Variants in MAGI3 observed in about 807,000 individuals in gnomAD.
MAGI3 encodes membrane associated guanylate kinase, WW and PDZ domain containing 3, also known as membrane-associated guanylate kinase, WW and PDZ domain-containing protein 3.
A neutral mutation model predicts 121.8 loss-of-function variants in MAGI3; 43 were observed. The observed-to-expected ratio is 0.35, with a 90% CI of 0.28 to 0.46. The LOEUF (loss-of-function observed/expected upper bound fraction) is 0.46, where lower values mean the gene tolerates loss of function less well. Ranked by LOEUF, MAGI3 falls within the 20% of genes least tolerant of loss-of-function variation. The probability of loss-of-function intolerance (pLI) is 1.00; values close to 1 mark genes in which losing one functional copy is unlikely to be tolerated. For synonymous variants in MAGI3, 553 were observed against 639.3 expected, an observed-to-expected ratio of 0.86 and a Z score of 2.04; for missense variants, 1,547 against 1,797.3, an observed-to-expected ratio of 0.86 and a Z score of 2.52.
At chr1:113,491,516 T>A (rs1021446681) in intron 1 of MAGI3, among the ~76,000 whole-genome samples, 2 of 151,892 alleles carry the variant, frequency 1.3e-5, no homozygotes, top group Non-Finnish European at 1.5e-5. Context: ...AAACAAGAAA[T>A]AACCAAAATT....
chr1:113,418,356 T>C (rs1474503073), intron 1 of MAGI3, among the ~76,000 whole-genome samples: 1 of 152,172 alleles, frequency 6.6e-6, no homozygotes, highest in African/African-American at 2.4e-5. Context: ...CAGTGTCTAA[T>C]TTGGTTGCTT....
chr1:113,476,919 CATATGT>C (rs1320566498), intron 1 of MAGI3, among the ~76,000 whole-genome samples: 1 of 152,190 alleles, frequency 6.6e-6, no homozygotes. Context: ...GGATTGGGTG[CATATGT>C]ATTTAGGATA....
At chr1:113,408,998 T>A (rs1651829802) in intron 1 of MAGI3, among the ~76,000 whole-genome samples, 2 of 152,064 alleles carry the variant, frequency 1.3e-5, no homozygotes, top group South Asian at 2.1e-4. Context: ...CAGACTGTAG[T>A]GATAAAATTG....
At chr1:113,496,436 T>C (rs1043655767) in intron 1 of MAGI3, among the ~76,000 whole-genome samples, 1 of 152,332 alleles carries the variant, frequency 6.6e-6, no homozygotes, top group East Asian at 1.9e-4. Flanking sequence ...AAATCCTATA[T>C]GTGTTTGTTA....
chr1:113,612,656 A>G (rs1481158158), intron 6 of MAGI3, among the ~76,000 whole-genome samples: 3 of 152,100 alleles, frequency 2.0e-5, no homozygotes, highest in African/African-American at 7.2e-5. Context: ...TGCTAATGGT[A>G]TCAGTGGTAA....
intron 16 of MAGI3, among the ~76,000 whole-genome samples, chr1:113,662,641 T>C (rs1653840724): frequency 6.6e-6 from 1 of 152,234 alleles, no homozygotes; most frequent in South Asian, 2.1e-4. Context: ...CCATTCTCAT[T>C]TCTCTCACTG....
chr1:113,520,576 A>G (rs571053705), intron 1 of MAGI3, among the ~76,000 whole-genome samples: 3 of 151,980 alleles, frequency 2.0e-5, no homozygotes, highest in African/African-American at 7.2e-5. Flanking sequence ...TTTAAAAAAA[A>G]TTTTAGTCTC....
At chr1:113,515,187 G>A (rs774006838) in intron 1 of MAGI3, among the ~76,000 whole-genome samples, 1 of 151,870 alleles carries the variant, frequency 6.6e-6, no homozygotes. Context: ...TTGATCTCAC[G>A]GCAGCAAACT....
chr1:113,420,702 G>A (rs1023867742), intron 1 of MAGI3, among the ~76,000 whole-genome samples: 4 of 152,160 alleles, frequency 2.6e-5, no homozygotes, highest in Non-Finnish European at 5.9e-5. Context: ...GGAACATAGC[G>A]TCCGTTCATC....
intron 2 of MAGI3, among the ~76,000 whole-genome samples, chr1:113,567,163 T>G (rs79470224): frequency 0.14 from 21,919 of 151,760 alleles, 1,674 homozygotes; most frequent in East Asian, 0.18. Flanking sequence ...AAAAGTTAGA[T>G]GCCCACAAAT....
intron 9 of MAGI3, among the ~76,000 whole-genome samples, chr1:113,638,966 G>A (rs796868955): frequency 2.1e-4 from 32 of 152,178 alleles, no homozygotes; most frequent in Non-Finnish European, 4.3e-4. Context: ...CCTCACTGCC[G>A]CCTTGCAGTT....
rs546982807 is a variant in MAGI3 at position 113,446,656 on chromosome 1, A to G, written c.316+55307A>G. 9.2e-5 allele frequency among the ~76,000 whole-genome samples: 14 copies of G among 152,356 alleles called. No homozygotes were observed. The South Asian group carries it at 2.9e-3, about 32-fold the overall frequency. ...GGAGGCTCACTTTAGATCCAGAGACACAAATAGATTGAAAGTGAAAGGATT... is the reference window on the plus strand; with the variant it reads ...GGAGGCTCACTTTAGATCCAGAGACGCAAATAGATTGAAAGTGAAAGGATT... On this transcript the variant is annotated intron_variant, in intron 1 of 20. Coordinates refer to ENST00000307546, the MANE Select transcript of MAGI3 (RefSeq NM_001142782.2).
intron 2 of MAGI3, among the ~76,000 whole-genome samples, chr1:113,577,827 C>G (rs894968502): frequency 4.6e-5 from 7 of 152,092 alleles, no homozygotes. Flanking sequence ...AATCACAGAC[C>G]AAAACAGAGT....
chr1:113,448,777 C>G (rs1258197041), intron 1 of MAGI3, among the ~76,000 whole-genome samples: 1 of 152,110 alleles, frequency 6.6e-6, no homozygotes, highest in Non-Finnish European at 1.5e-5. Context: ...AGCCACCATA[C>G]CCGGCCCTCG....
intron 1 of MAGI3, among the ~76,000 whole-genome samples, chr1:113,549,060 A>G (rs1319903185): frequency 6.6e-6 from 1 of 152,208 alleles, no homozygotes; most frequent in East Asian, 1.9e-4. Flanking sequence ...TGGAATTAAA[A>G]GTTCTGTTTT....
At chr1:113,410,826 G>A (rs1651936862) in intron 1 of MAGI3, among the ~76,000 whole-genome samples, 1 of 152,114 alleles carries the variant, frequency 6.6e-6, no homozygotes, top group Non-Finnish European at 1.5e-5. Flanking sequence ...CAGTGAGGAT[G>A]CCTAGTAGCT....
At chr1:113,562,188 G>A (rs1297725437) in intron 2 of MAGI3, among the ~76,000 whole-genome samples, 1 of 152,134 alleles carries the variant, frequency 6.6e-6, no homozygotes, top group South Asian at 2.1e-4. Flanking sequence ...GGCAGATCAC[G>A]AGGTCAGGAG....
chr1:113,620,751 C>A (rs1650769044), intron 8 of MAGI3, among the ~76,000 whole-genome samples: 1 of 152,146 alleles, frequency 6.6e-6, no homozygotes, highest in Non-Finnish European at 1.5e-5. Context: ...TAGGTGCCAT[C>A]ATAGAGTAGT....
chr1:113,450,267 A>G (rs1654411027), intron 1 of MAGI3: 2 of 1,601,580 alleles, frequency 1.2e-6, no homozygotes, highest in Non-Finnish European at 1.7e-6. Flanking sequence ...CTGCTGGATC[A>G]CAGAGAGGTC....
Sources: gnomAD v4.1 joint callset for allele counts (sites outside exome capture counted in the v4.1 genomes callset) on GRCh38, gnomAD v4.1.1 for gene constraint, MANE v1.5 for transcripts, NCBI Gene and HGNC (gene_info 2026-07-23, HGNC 2026-07-21) for gene names.